CTNND1: variants seen among roughly 807,000 people sequenced by gnomAD.
The protein encoded by CTNND1 is catenin delta 1.
Under a neutral mutation model 112.1 loss-of-function variants are expected in CTNND1, and 16 were observed. The ratio of observed to expected loss-of-function variants is 0.14; its 90% CI spans 0.10 to 0.22. CTNND1 has a LOEUF of 0.22. Among genes scored for constraint, CTNND1 ranks in the 10% least tolerant of loss-of-function variants. The pLI, the probability that CTNND1 is intolerant of heterozygous loss-of-function variation, is 1.00. For missense variants in CTNND1, 1,008 were observed against 1,257.0 expected, an observed-to-expected ratio of 0.80 and a Z score of 3.00; for synonymous variants, 420 against 446.5, an observed-to-expected ratio of 0.94 and a Z score of 0.75.
Position 57,809,282 on chromosome 11 carries a change from G to C in CTNND1, c.2251G>C (p.Ala751Pro). 6.2e-7 allele frequency: 1 copy of C among 1,612,702 alleles called. No homozygotes were observed. Among genetic ancestry groups the C allele is most frequent in the Non-Finnish European group, 8.5e-7 (1 of 1,178,942 alleles). ...ARNKELIGKH[A>P]IPNLVKNLPG... The stretch of plus-strand genomic sequence containing the variant: ...ACATTCTTTCTTACTAGGTAAACAT[G>C]CTATTCCTAACTTGGTAAAGAATCT... Residue 751 changes from alanine to proline, a missense_variant, in exon 15 of 21, where the codon GCT becomes CCT. Around this residue, in one of 5 missense-constraint regions of CTNND1, gnomAD observed 254 missense variants for 279.5 expected, o/e 0.91. Coordinates refer to ENST00000399050, the MANE Select transcript of CTNND1 (RefSeq NM_001085458.2).
chr11:57,763,089 T>C (rs1414630760), intron 1 of CTNND1, among the ~76,000 whole-genome samples: 1 of 152,234 alleles, frequency 6.6e-6, no homozygotes, highest in East Asian at 1.9e-4. Context: ...ATTTATTGTT[T>C]AGTTAATTTA....
rs201596085 is a variant in CTNND1 at position 57,791,502 on chromosome 11, G to A, written c.24G>A (p.Ser8=). The change falls in exon 3 of 21, where the codon TCG becomes TCA. Residue 8 remains serine (S), a synonymous_variant. Coordinates refer to ENST00000399050, the MANE Select transcript of CTNND1 (RefSeq NM_001085458.2). The part of the protein sequence containing the change: MDDSEVE[S]TASILASVKE... Reference sequence around the variant, plus strand: ...TCATGGACGACTCAGAGGTGGAGTCGACCGCCAGCATCTTGGCCTCTGTGA... The same window carrying A: ...TCATGGACGACTCAGAGGTGGAGTCAACCGCCAGCATCTTGGCCTCTGTGA... 2 of 1,564,326 alleles carry A rather than the reference G, an allele frequency of 1.3e-6. No homozygotes were observed. Among genetic ancestry groups the A allele is most frequent in the Non-Finnish European group, 1.7e-6 (2 of 1,154,796 alleles).
intron 1 of CTNND1, among the ~76,000 whole-genome samples, chr11:57,770,505 T>C (rs1952304546): frequency 1.3e-5 from 2 of 151,670 alleles, no homozygotes; most frequent in Admixed American, 1.3e-4. Context: ...TTTCAAAAAT[T>C]AGCTGGGCGT....
intron 1 of CTNND1, among the ~76,000 whole-genome samples, chr11:57,777,849 G>C (rs2059175519): frequency 6.6e-6 from 1 of 152,160 alleles, no homozygotes; most frequent in South Asian, 2.1e-4. Context: ...TGGATTTCAA[G>C]AATCTCTAGC....
rs549273457 is a variant in CTNND1 at position 57,777,753 on chromosome 11, C to T, written c.-213-11284C>T. ...ATATTACCAGTTAGTTCCTGGTGTG[C>T]CCCTCTGGTTGGAGGACTCTGCTGA... On this transcript the variant is annotated intron_variant, in intron 1 of 20. Coordinates refer to ENST00000399050, the MANE Select transcript of CTNND1 (RefSeq NM_001085458.2). Among the ~76,000 whole-genome samples, 48 of 152,272 alleles carry T rather than the reference C, an allele frequency of 3.2e-4. 1 individual carries two copies. The South Asian group carries it at 9.5e-3, about 30-fold the overall frequency.
intron 1 of CTNND1, among the ~76,000 whole-genome samples, chr11:57,785,600 A>G (rs1470469906): frequency 6.6e-6 from 1 of 151,854 alleles, no homozygotes; most frequent in African/African-American, 2.4e-5. Context: ...CCCATGCTGG[A>G]GTGCAGCGGC....
At chr11:57,772,096 A>ATTTT (rs536394341) in intron 1 of CTNND1, among the ~76,000 whole-genome samples, 2 of 129,876 alleles carry the variant, frequency 1.5e-5, no homozygotes, top group South Asian at 2.5e-4. Context: ...TAATTTTTGT[A>ATTTT]TTTTTTTTTT....
chr11:57,794,446 A>G (rs998780140), intron 4 of CTNND1, among the ~76,000 whole-genome samples: 9 of 152,192 alleles, frequency 5.9e-5, no homozygotes, highest in Non-Finnish European at 1.2e-4. Context: ...ACATAAAGCC[A>G]GTCAAAAGAT....
intron 6 of CTNND1, among the ~76,000 whole-genome samples, chr11:57,798,005 A>C (rs2061553205): frequency 6.6e-6 from 1 of 151,866 alleles, no homozygotes; most frequent in Non-Finnish European, 1.5e-5. Flanking sequence ...GGGCCATGGA[A>C]TTCTTGCTCA....
At chr11:57,767,612 T>C (rs936381512) in intron 1 of CTNND1, among the ~76,000 whole-genome samples, 1 of 152,112 alleles carries the variant, frequency 6.6e-6, no homozygotes, top group East Asian at 1.9e-4. Context: ...GGAGGAAACA[T>C]GTAACCTAGG....
At chr11:57,771,407 G>C (rs961781239) in intron 1 of CTNND1, among the ~76,000 whole-genome samples, 2 of 147,748 alleles carry the variant, frequency 1.4e-5, no homozygotes, top group South Asian at 4.5e-4. Flanking sequence ...GTCTCAGGGT[G>C]GGGGTGAGGT....
rs1452684893 is a variant in CTNND1, at chr11:57,808,508, T to C, written c.2210T>C (p.Leu737Pro). 6.2e-7 allele frequency: 1 copy of C among 1,606,114 alleles called. No individual in the cohort carries two copies. The highest frequency in any genetic ancestry group is 8.5e-7 in the Non-Finnish European group (1 of 1,177,598). The change falls in exon 14 of 21, where the codon CTG becomes CCG. Residue 737 changes from leucine (L) to proline (P), a missense_variant. Leu to Pro is a moderately conservative substitution (Grantham distance 98, BLOSUM62 -3). Around this residue, in one of 5 missense-constraint regions of CTNND1, gnomAD observed 254 missense variants for 279.5 expected, o/e 0.91. Transcript: ENST00000399050. ...VKAASGALRN[L>P]AVDARNKELI... Reference sequence around the variant, plus strand: ...GCTGCATCTGGAGCACTGAGAAACCTGGCTGTGGATGCTCGCAACAAAGAA... The same window carrying C: ...GCTGCATCTGGAGCACTGAGAAACCCGGCTGTGGATGCTCGCAACAAAGAA...
At chr11:57,792,416 T>C (rs2060846161) in intron 3 of CTNND1, among the ~76,000 whole-genome samples, 1 of 152,114 alleles carries the variant, frequency 6.6e-6, no homozygotes, top group Admixed American at 6.5e-5. Context: ...TGTCTTCCTC[T>C]GTGTGTGTGT....
chr11:57,810,770 C>G (rs2063247875), intron 16 of CTNND1, among the ~76,000 whole-genome samples: 1 of 151,854 alleles, frequency 6.6e-6, no homozygotes, highest in Non-Finnish European at 1.5e-5. Context: ...GCCTGGGAAA[C>G]ATGGCGAAAC....
At chr11:57,795,893 A>T (rs757802088) in intron 5 of CTNND1, among the ~76,000 whole-genome samples, 164 bp downstream of exon 5, 9 of 152,138 alleles carry the variant, frequency 5.9e-5, no homozygotes, top group Non-Finnish European at 7.3e-5. Flanking sequence ...AGATGGGAAA[A>T]TCTTATGGGA....
Position 57,806,995 on chromosome 11 carries a change from T to A in CTNND1, c.1963+12T>A, listed in dbSNP as rs375247106. On this transcript the variant is annotated intron_variant, in intron 12 of 20. Coordinates refer to ENST00000399050, the MANE Select transcript of CTNND1 (RefSeq NM_001085458.2). Reference sequence around the variant, plus strand: ...GAGTCCAGCTCGAGGTAAGTTATCTTCTCAGTCTCCAAAGGTCTCATAAAC... The same window carrying A: ...GAGTCCAGCTCGAGGTAAGTTATCTACTCAGTCTCCAAAGGTCTCATAAAC... The A allele has an allele frequency of 1.5e-4, 239 of 1,583,794 alleles. No individual in the cohort carries two copies. The highest frequency in any genetic ancestry group is 2.0e-4 in the Non-Finnish European group (227 of 1,162,080).
At chr11:57,800,296 C>G (rs1266268612) in intron 6 of CTNND1, among the ~76,000 whole-genome samples, 1 of 150,006 alleles carries the variant, frequency 6.7e-6, no homozygotes, top group Non-Finnish European at 1.5e-5. Context: ...GAAATAGAGT[C>G]TCGCTCTGTC....
rs371716100 is a variant in CTNND1 at position 57,795,602 on chromosome 11, C to A, written c.293C>A (p.Thr98Asn). The A allele has an allele frequency of 6.2e-7, 1 of 1,611,812 alleles. No individual in the cohort carries two copies. Among genetic ancestry groups the A allele is most frequent in the East Asian group, 2.2e-5 (1 of 44,846 alleles). The change falls in exon 5 of 21, where the codon ACC becomes AAC. Residue 98 changes from threonine to asparagine, a missense_variant. By Grantham distance (65) the Thr-to-Asn change is moderately conservative. Around this residue, in one of 5 missense-constraint regions of CTNND1, gnomAD observed 404 missense variants for 457.9 expected, o/e 0.88. Coordinates refer to ENST00000399050, the MANE Select transcript of CTNND1 (RefSeq NM_001085458.2). Reference protein sequence around the residue: ...PQDHSHLLYSTIPRMQEPGQI... With the variant: ...PQDHSHLLYSNIPRMQEPGQI... ...GATCACAGTCACCTTCTATATAGCA[C>A]CATCCCCAGGATGCAGGAGCCGGGG... is the stretch of plus-strand genomic sequence containing the variant.
chr11:57,809,090 A>G (rs563037851), intron 14 of CTNND1, among the ~76,000 whole-genome samples, 184 bp from the exon 15 acceptor site: 1 of 152,356 alleles, frequency 6.6e-6, no homozygotes, highest in South Asian at 2.1e-4. Context: ...AGGAATAGGT[A>G]GGACAGTAAA....
Sources: gnomAD v4.1 joint callset for allele counts (sites outside exome capture counted in the v4.1 genomes callset) on GRCh38, gnomAD v4.1.1 for gene constraint, gnomAD v4.1.1 regional missense constraint, MANE v1.5 for transcripts, NCBI Gene and HGNC (gene_info 2026-07-23, HGNC 2026-07-21) for gene names.